CAPN5: variants seen among roughly 807,000 people sequenced by gnomAD.
CAPN5 encodes the protein calpain-5.
CAPN5 carries 54 observed loss-of-function variants against 73.0 expected under a neutral mutation model. The observed-to-expected ratio is 0.74, with a 90% CI of 0.59 to 0.93. The LOEUF (loss-of-function observed/expected upper bound fraction) is 0.93. CAPN5 is among the 40% of genes least tolerant of loss of function. The probability of loss-of-function intolerance (pLI) is 0.00; values close to 1 mark genes in which losing one functional copy is unlikely to be tolerated. For missense variants in CAPN5, 785 were observed against 882.9 expected, an observed-to-expected ratio of 0.89 and a Z score of 1.41; for synonymous variants, 335 against 356.9, an observed-to-expected ratio of 0.94 and a Z score of 0.69.
At chr11:77,116,407 C>A in intron 7 of CAPN5, 104 bp downstream of exon 7, 2 of 814,906 alleles carry the variant, frequency 2.5e-6, no homozygotes. Flanking sequence ...TCCTGCATGC[C>A]CCATCATCAA....
At chr11:77,085,097 C>T (rs553303561) in intron 2 of CAPN5, 46 bp downstream of exon 2, 18 of 1,564,266 alleles carry the variant, frequency 1.2e-5, no homozygotes, top group Non-Finnish European at 1.6e-5. Context: ...GGCCCAGGCC[C>T]ACCCACAAGG....
chr11:77,093,586 CTGTGTCTGTCACG>C (rs1268960131), intron 2 of CAPN5, 83 bp from the exon 3 acceptor site: 26 of 778,252 alleles, frequency 3.3e-5, no homozygotes, highest in Middle Eastern at 3.6e-4. Flanking sequence ...CACAGCAAGT[CTGTGTCTGTCACG>C]TCTGTGTCTG....
At chr11:77,118,500 G>A (rs1555042170) in intron 8 of CAPN5, 148 bp downstream of exon 8, 3 of 654,008 alleles carry the variant, frequency 4.6e-6, no homozygotes, top group Non-Finnish European at 7.7e-6. Context: ...GGGTTAGATG[G>A]GCACATCCGT....
intron 2 of CAPN5, chr11:77,088,164 C>A: frequency 1.6e-6 from 2 of 1,259,218 alleles, no homozygotes; most frequent in Non-Finnish European, 2.1e-6. Context: ...GTGGAATGCA[C>A]AGGGGACAAG....
chr11:77,090,211 G>C lies in CAPN5; in HGVS notation c.166-3471G>C, dbSNP rs187881992. The stretch of plus-strand genomic sequence containing the variant: ...CCTCAGGTGGTTTCTGTTGGTTAGA[G>C]CTGGTGACCCTGAGCCTCTCCTGGC... On this transcript the variant is annotated intron_variant, in intron 2 of 12. Transcript: ENST00000648180. 1.3e-4 allele frequency among the ~76,000 whole-genome samples: 20 copies of C among 151,694 alleles called. No homozygotes were observed. In the East Asian group the frequency reaches 1.7e-3, roughly 13 times the overall value.
At chr11:77,109,011 T>G (rs1182847134) in intron 3 of CAPN5, among the ~76,000 whole-genome samples, 1 of 152,202 alleles carries the variant, frequency 6.6e-6, no homozygotes, top group Non-Finnish European at 1.5e-5. Context: ...TTTGGTGGTG[T>G]TTGACATGTT....
rs560369939 is a variant in CAPN5 at position 77,102,272 on chromosome 11, C to G, written c.297+8459C>G. Among the ~76,000 whole-genome samples, 13 of 152,280 alleles carry G rather than the reference C, an allele frequency of 8.5e-5. No homozygotes were observed. The South Asian group carries it at 2.7e-3, about 32-fold the overall frequency. On this transcript the variant is annotated intron_variant, in intron 3 of 12. Transcript: ENST00000648180. ...TCCCGGGGTGTTTGGGAAGCAGAAT[C>G]GACAGGCTTTGGTGATTGGGTGTGG...
chr11:77,105,072 C>T (rs568344394), intron 3 of CAPN5, among the ~76,000 whole-genome samples: 2 of 151,930 alleles, frequency 1.3e-5, no homozygotes, highest in African/African-American at 4.8e-5. Flanking sequence ...TGGCCCTGCC[C>T]TTCTGCTTGA....
chr11:77,094,317 G>A (rs1950186191), intron 3 of CAPN5, among the ~76,000 whole-genome samples: 1 of 152,214 alleles, frequency 6.6e-6, no homozygotes, highest in African/African-American at 2.4e-5. Context: ...AGGGCCAAAG[G>A]GTTTGGGTGG....
chr11:77,122,041 C>T lies in CAPN5; in HGVS notation c.1595C>T (p.Ser532Phe), dbSNP rs1555042903. 1.3e-6 allele frequency: 2 copies of T among 1,547,740 alleles called. No homozygotes were observed. The highest frequency in any genetic ancestry group is 2.4e-5 in the East Asian group (1 of 40,934). ...HVLGAAGLKD[S>F]PTGANSYVII... Reference sequence around the variant, plus strand: ...CTGGGAGCTGCTGGCCTCAAGGACTCCCCAACAGGTGAGCTCTCCCAGGGA... The same window carrying T: ...CTGGGAGCTGCTGGCCTCAAGGACTTCCCAACAGGTGAGCTCTCCCAGGGA... Residue 532 changes from serine (S) to phenylalanine (F), a missense_variant, in exon 11 of 13, where the codon TCC becomes TTC. Ser to Phe is a radical substitution (Grantham distance 155, BLOSUM62 -2). Coordinates refer to ENST00000648180, the MANE Select transcript of CAPN5 (RefSeq NM_004055.5).
intron 1 of CAPN5, among the ~76,000 whole-genome samples, chr11:77,073,869 G>A (rs1949938112): frequency 6.6e-6 from 1 of 152,148 alleles, no homozygotes. Flanking sequence ...CAGAACCCAG[G>A]AGCCCAGAGC....
intron 2 of CAPN5, among the ~76,000 whole-genome samples, 194 bp from the exon 3 acceptor site, chr11:77,093,488 C>T (rs370121297): frequency 7.5e-4 from 114 of 152,232 alleles, no homozygotes; most frequent in African/African-American, 2.1e-3. Context: ...GGCAGGACCG[C>T]GGGGTGGGGG....
chr11:77,099,498 C>A (rs1335029284), intron 3 of CAPN5, among the ~76,000 whole-genome samples: 2 of 150,696 alleles, frequency 1.3e-5, no homozygotes, highest in Non-Finnish European at 3.0e-5. Flanking sequence ...GAGGCCAAGG[C>A]TGGCGGATCA....
chr11:77,095,533 C>G (rs1950199141), intron 3 of CAPN5, among the ~76,000 whole-genome samples: 1 of 152,220 alleles, frequency 6.6e-6, no homozygotes, highest in Admixed American at 6.5e-5. Flanking sequence ...AGAGAAGGCT[C>G]AGGAGAGTTT....
intron 3 of CAPN5, among the ~76,000 whole-genome samples, chr11:77,105,055 T>C (rs948138546): frequency 4.6e-5 from 7 of 151,768 alleles, no homozygotes; most frequent in African/African-American, 1.7e-4. Context: ...GCCAGAACCG[T>C]GTGCAGTGGC....
intron 9 of CAPN5, 109 bp downstream of exon 9, chr11:77,119,261 G>A (rs1726863981): frequency 4.1e-6 from 5 of 1,233,226 alleles, no homozygotes; most frequent in Non-Finnish European, 5.6e-6. Context: ...CACTGCCGCT[G>A]CCCTGGCTGC....
rs1950445115 is a variant in CAPN5 at position 77,114,340 on chromosome 11, G to C, written c.605G>C (p.Gly202Ala). 4 of 1,614,096 alleles carry C rather than the reference G, an allele frequency of 2.5e-6. No individual in the cohort carries two copies. Among genetic ancestry groups the C allele is most frequent in the Non-Finnish European group, 3.4e-6 (4 of 1,180,044 alleles). Reference sequence around the variant, plus strand: ...TCTGAGCCCATCGACCTGACCGAGGGTGACTTTGCCAACGATGAGACTAAG... The same window carrying C: ...TCTGAGCCCATCGACCTGACCGAGGCTGACTTTGCCAACGATGAGACTAAG... ...GVSEPIDLTEGDFANDETKRN... is the reference protein window; with the variant it reads ...GVSEPIDLTEADFANDETKRN... Residue 202 changes from glycine (G) to alanine (A), a missense_variant, in exon 5 of 13, where the codon GGT becomes GCT. Gly to Ala is a moderately conservative substitution (Grantham distance 60, BLOSUM62 0). Coordinates refer to ENST00000648180, the MANE Select transcript of CAPN5 (RefSeq NM_004055.5).
chr11:77,082,508 A>G (rs1265402648), intron 1 of CAPN5, among the ~76,000 whole-genome samples: 1 of 152,144 alleles, frequency 6.6e-6, no homozygotes, highest in Non-Finnish European at 1.5e-5. Flanking sequence ...CCATAGATAC[A>G]GTGGGAGGTG....
At position 77,123,998 on chromosome 11, in the gene CAPN5, C is replaced by A; in HGVS notation, c.*128C>A. ...ACTCTTCCACTGACTTGCTGTGTGA[C>A]CTTAGGAAGTCTCTGCCCCTCTCTC... is the stretch of plus-strand genomic sequence containing the variant. On this transcript the variant is annotated 3_prime_UTR_variant, in exon 13 of 13. Coordinates refer to ENST00000648180, the MANE Select transcript of CAPN5 (RefSeq NM_004055.5). 1 of 860,854 alleles carries A rather than the reference C, an allele frequency of 1.2e-6. No individual in the cohort carries two copies. The highest frequency in any genetic ancestry group is 1.7e-5 in the South Asian group (1 of 58,212). The allele number at this position is 860,854 out of a possible 1,614,324, so 53.3% of individuals were successfully genotyped here. A position where few individuals can be genotyped will look rare whatever the true frequency, so the allele number is the denominator to read the frequency against.
Sources: allele counts gnomAD v4.1 joint callset (sites outside exome capture counted in the v4.1 genomes callset), GRCh38; gene constraint gnomAD v4.1.1; transcripts MANE v1.5; gene names NCBI Gene and HGNC (gene_info 2026-07-23, HGNC 2026-07-21).